Variants in CCBE1 observed in about 807,000 individuals in gnomAD.
CCBE1 encodes the protein collagen and calcium binding EGF domains 1, also known as collagen and calcium-binding EGF domain-containing protein 1.
CCBE1 carries 37 observed loss-of-function variants against 50.0 expected under a neutral mutation model. The ratio of observed to expected loss-of-function variants is 0.74; its 90% CI spans 0.57 to 0.97. The LOEUF is 0.97. Among genes scored for constraint, CCBE1 ranks in the 50% least tolerant of loss-of-function variants. The pLI is 0.00. For missense variants in CCBE1, 538 were observed against 523.8 expected, an observed-to-expected ratio of 1.03 and a Z score of -0.26; for synonymous variants, 234 against 203.7, an observed-to-expected ratio of 1.15 and a Z score of -1.27.
Position 59,452,620 on chromosome 18 carries a change from C to T in CCBE1, c.654+2231G>A, listed in dbSNP as rs143868724. Among the ~76,000 whole-genome samples, 359 of 152,096 alleles carry T rather than the reference C, an allele frequency of 2.4e-3. 2 individuals are homozygous for T. The highest frequency in any genetic ancestry group is 7.9e-3 in the African/African-American group (327 of 41,482). On this transcript the variant is annotated intron_variant, in intron 6 of 10. Transcript: ENST00000439986. ...AACAAAACAAAAACAACAAAACCAA[C>T]GGACAGTTCAAACACTGGCACAGGA...
chr18:59,468,917 G>T (rs1598927069), intron 4 of CCBE1, among the ~76,000 whole-genome samples: 1 of 151,850 alleles, frequency 6.6e-6, no homozygotes, highest in Non-Finnish European at 1.5e-5. Flanking sequence ...CAGACACATG[G>T]TTCCAATGGA....
At chr18:59,685,054 C>G (rs2054638364) in intron 2 of CCBE1, among the ~76,000 whole-genome samples, 1 of 152,154 alleles carries the variant, frequency 6.6e-6, no homozygotes, top group Admixed American at 6.5e-5. Flanking sequence ...CAGCTTGACA[C>G]TGAAAAGCTT....
intron 2 of CCBE1, among the ~76,000 whole-genome samples, chr18:59,533,043 CCTTTTCATAATATTTT>C (rs754043128): frequency 6.6e-6 from 1 of 152,172 alleles, no homozygotes; most frequent in Non-Finnish European, 1.5e-5. Context: ...TTGATTATTT[CCTTTTCATAATATTTT>C]GAAACCTTGA....
intron 9 of CCBE1, among the ~76,000 whole-genome samples, chr18:59,439,058 G>A (rs1007107582): frequency 8.5e-5 from 13 of 152,114 alleles, no homozygotes; most frequent in African/African-American, 2.9e-4. Context: ...AGGCCGAGGT[G>A]GGCGGATCAC....
chr18:59,691,684 G>A (rs376285437), intron 2 of CCBE1, among the ~76,000 whole-genome samples: 22 of 152,326 alleles, frequency 1.4e-4, no homozygotes, highest in African/African-American at 2.9e-4. Context: ...GATTACAGGC[G>A]TGAGCCACCG....
At chr18:59,443,335 C>T (rs1199508530) in intron 7 of CCBE1, among the ~76,000 whole-genome samples, 4 of 152,168 alleles carry the variant, frequency 2.6e-5, no homozygotes, top group Non-Finnish European at 4.4e-5. Context: ...TGGGGCAGCA[C>T]CTGGGTACAG....
intron 2 of CCBE1, among the ~76,000 whole-genome samples, chr18:59,549,363 G>A (rs1015588593): frequency 2.6e-5 from 4 of 152,078 alleles, no homozygotes; most frequent in African/African-American, 4.8e-5. Flanking sequence ...AGAATTTCAG[G>A]TCAAACTCCA....
At chr18:59,513,836 C>T (rs989639343) in intron 2 of CCBE1, among the ~76,000 whole-genome samples, 2 of 152,146 alleles carry the variant, frequency 1.3e-5, no homozygotes, top group African/African-American at 4.8e-5. Flanking sequence ...TGACTGGCTC[C>T]AAGCCTGTGC....
rs777879534 is a variant in CCBE1 at position 59,439,692 on chromosome 18, G to T, written c.900C>A (p.Gly300=). ...AGATACTGACCACAGGGCCCCTCCG[G>T]CCTTGCTTAATGTGGGACAGATCAG... ...PSPDLSHIKQ[G]RRGPVGPPGA... The change falls in exon 8 of 11, where the codon GGC becomes GGA. Residue 300 remains glycine, a synonymous_variant. Transcript: ENST00000439986. The T allele has an allele frequency of 3.7e-6, 6 of 1,614,236 alleles. No individual in the cohort carries two copies. The East Asian group carries it at 1.3e-4, about 36-fold the overall frequency.
At chr18:59,679,771 C>T (rs977280167) in intron 2 of CCBE1, among the ~76,000 whole-genome samples, 1 of 152,150 alleles carries the variant, frequency 6.6e-6, no homozygotes. Flanking sequence ...ACTACATGTG[C>T]CTAAGGTGGC....
chr18:59,601,431 C>T (rs1030764049), intron 2 of CCBE1, among the ~76,000 whole-genome samples: 1 of 152,130 alleles, frequency 6.6e-6, no homozygotes, highest in African/African-American at 2.4e-5. Flanking sequence ...TGCCTGCCAC[C>T]ATGTAAGACG....
intron 2 of CCBE1, among the ~76,000 whole-genome samples, chr18:59,655,159 G>A (rs1283076805): frequency 6.6e-6 from 1 of 151,026 alleles, no homozygotes; most frequent in African/African-American, 2.4e-5. Context: ...AATGCCCTCA[G>A]AGTAAGCATC....
At chr18:59,516,294 C>T (rs769895252) in intron 2 of CCBE1, among the ~76,000 whole-genome samples, 9 of 151,714 alleles carry the variant, frequency 5.9e-5, no homozygotes, top group Non-Finnish European at 1.2e-4. Flanking sequence ...TACATAGATA[C>T]CATGATGCCA....
At chr18:59,491,472 CATT>C (rs2143807107) in intron 2 of CCBE1, among the ~76,000 whole-genome samples, 1 of 152,262 alleles carries the variant, frequency 6.6e-6, no homozygotes, top group African/African-American at 2.4e-5. Context: ...ATAATTATTA[CATT>C]ATTACTGTTG....
chr18:59,609,039 A>C (rs545872928), intron 2 of CCBE1, among the ~76,000 whole-genome samples: 5 of 152,198 alleles, frequency 3.3e-5, no homozygotes, highest in Non-Finnish European at 7.3e-5. Flanking sequence ...GTGACTTGTC[A>C]TATGTGCATC....
chr18:59,696,992 G>A (rs2054816033), intron 1 of CCBE1, among the ~76,000 whole-genome samples: 1 of 152,220 alleles, frequency 6.6e-6, no homozygotes, highest in Non-Finnish European at 1.5e-5. Flanking sequence ...CGGGGCGAAG[G>A]GTATCCCTGA....
In CCBE1 at chr18:59,676,349, C is replaced by A. The variant is rs530072910; in HGVS notation, c.212+20280G>T. Reference sequence around the variant, plus strand: ...ATGCTAGAAAGCTGAGCAGCAAGTGCCCACCCATGGCAAGTCTATGGCTCT... The same window carrying A: ...ATGCTAGAAAGCTGAGCAGCAAGTGACCACCCATGGCAAGTCTATGGCTCT... On this transcript the variant is annotated intron_variant, in intron 2 of 10. Transcript: ENST00000439986. 3.3e-5 allele frequency among the ~76,000 whole-genome samples: 5 copies of A among 152,244 alleles called. No homozygotes were observed. In the East Asian group the frequency reaches 9.6e-4, roughly 29 times the overall value.
chr18:59,693,864 CTTT>C (rs11410421), intron 2 of CCBE1, among the ~76,000 whole-genome samples: 101 of 70,744 alleles, frequency 1.4e-3, no homozygotes, highest in African/African-American at 4.9e-3. Context: ...AAAGGAAAGC[CTTT>C]TTTTTTTTTT....
chr18:59,652,065 A>C (rs973572938), intron 2 of CCBE1, among the ~76,000 whole-genome samples: 1 of 151,804 alleles, frequency 6.6e-6, no homozygotes, highest in African/African-American at 2.4e-5. Flanking sequence ...CCACTCTATC[A>C]TCTGTTCAAA....
Sources: gnomAD v4.1 joint callset for allele counts (sites outside exome capture counted in the v4.1 genomes callset) on GRCh38, gnomAD v4.1.1 for gene constraint, MANE v1.5 for transcripts, NCBI Gene and HGNC (gene_info 2026-07-23, HGNC 2026-07-21) for gene names.